Variants in KIF6 observed in about 807,000 individuals in gnomAD.
The protein encoded by KIF6 is kinesin family member 6.
A neutral mutation model predicts 112.7 loss-of-function variants in KIF6; 106 were observed. That is an observed-to-expected ratio of 0.94 (90% CI 0.80 to 1.11). KIF6 has a LOEUF of 1.11. KIF6 is among the 50% of genes least tolerant of loss of function. The pLI, the probability that KIF6 is intolerant of heterozygous loss-of-function variation, is 0.00. For synonymous variants in KIF6, 339 were observed against 339.9 expected (o/e 1.00, Z 0.03); for missense variants, 929 against 964.0 (o/e 0.96, Z 0.48).
At chr6:39,485,852 G>T (rs1047266741) in intron 13 of KIF6, among the ~76,000 whole-genome samples, 1 of 152,196 alleles carries the variant, frequency 6.6e-6, no homozygotes, top group Admixed American at 6.5e-5. Flanking sequence ...GTAAAGCTCC[G>T]AGTGCTTTAT....
chr6:39,373,965 C>T (rs541413578), intron 16 of KIF6, among the ~76,000 whole-genome samples: 2 of 152,194 alleles, frequency 1.3e-5, no homozygotes, highest in Non-Finnish European at 2.9e-5. Context: ...ATTACACTCT[C>T]TGTTTTTAAA....
Position 39,375,473 on chromosome 6 carries a change from CT to C in KIF6, c.1861+10148del, listed in dbSNP as rs1222453427. ...ACCCCCAAAATATATACAATTATGG[CT>C]TTTCAATTAGAAATAATATTAAGAG... On this transcript the variant is annotated intron_variant, in intron 16 of 22. Coordinates refer to ENST00000287152, the MANE Select transcript of KIF6 (RefSeq NM_145027.6). Among the ~76,000 whole-genome samples the C allele has an allele frequency of 4.6e-5, 7 of 152,284 alleles. No homozygotes were observed. The East Asian group carries it at 1.4e-3, about 29-fold the overall frequency.
chr6:39,435,042 G>T (rs189392401), intron 13 of KIF6, among the ~76,000 whole-genome samples: 2 of 152,200 alleles, frequency 1.3e-5, no homozygotes, highest in African/African-American at 4.8e-5. Context: ...AGGAAACTGA[G>T]GCTTACATAA....
intron 10 of KIF6, among the ~76,000 whole-genome samples, chr6:39,550,266 C>A (rs531978430): frequency 2.6e-5 from 4 of 152,246 alleles, no homozygotes; most frequent in African/African-American, 9.6e-5. Flanking sequence ...AACCATATCT[C>A]TATGGCACTG....
At chr6:39,476,841 C>T (rs1054796261) in intron 13 of KIF6, among the ~76,000 whole-genome samples, 4 of 152,136 alleles carry the variant, frequency 2.6e-5, no homozygotes, top group African/African-American at 9.7e-5. Flanking sequence ...CTGTATGTTG[C>T]TTTTATAACT....
At chr6:39,591,806 C>A (rs919656315) in intron 7 of KIF6, among the ~76,000 whole-genome samples, 1 of 152,104 alleles carries the variant, frequency 6.6e-6, no homozygotes, top group East Asian at 1.9e-4. Flanking sequence ...CAGGAAAATG[C>A]GGTGGTCATA....
intron 16 of KIF6, among the ~76,000 whole-genome samples, chr6:39,376,522 G>C (rs1766453215): frequency 6.6e-6 from 1 of 152,212 alleles, no homozygotes; most frequent in Non-Finnish European, 1.5e-5. Flanking sequence ...GAGCCCCTCA[G>C]CTGCTGGCAC....
chr6:39,494,577 C>T (rs192132103), intron 13 of KIF6, among the ~76,000 whole-genome samples: 1 of 152,114 alleles, frequency 6.6e-6, no homozygotes, highest in Non-Finnish European at 1.5e-5. Context: ...ATCAATGCCT[C>T]TAGAATTCTG....
At chr6:39,669,519 G>A (rs546786330) in intron 3 of KIF6, among the ~76,000 whole-genome samples, 134 of 152,220 alleles carry the variant, frequency 8.8e-4, no homozygotes, top group Middle Eastern at 6.8e-3. Context: ...TCTCACATAG[G>A]TCCATTCTCA....
At chr6:39,490,355 A>T (rs1775403539) in intron 13 of KIF6, among the ~76,000 whole-genome samples, 1 of 152,220 alleles carries the variant, frequency 6.6e-6, no homozygotes, top group Non-Finnish European at 1.5e-5. Flanking sequence ...CCAAGGTAAA[A>T]GTGTGAGTTA....
intron 7 of KIF6, among the ~76,000 whole-genome samples, chr6:39,590,279 T>C (rs1414365816): frequency 1.3e-5 from 2 of 152,104 alleles, no homozygotes; most frequent in Non-Finnish European, 2.9e-5. Flanking sequence ...GAAGTTCTTA[T>C]ATAAAACAAA....
intron 3 of KIF6, among the ~76,000 whole-genome samples, chr6:39,656,316 C>T (rs536534331): frequency 6.6e-6 from 1 of 152,158 alleles, no homozygotes; most frequent in Non-Finnish European, 1.5e-5. Context: ...CCTACCTATA[C>T]TCTAGACTGC....
chr6:39,476,438 T>C (rs1033912656), intron 13 of KIF6, among the ~76,000 whole-genome samples: 1 of 152,062 alleles, frequency 6.6e-6, no homozygotes, highest in Non-Finnish European at 1.5e-5. Context: ...GCTTATGGTA[T>C]TTTGATGTGA....
intron 16 of KIF6, among the ~76,000 whole-genome samples, chr6:39,383,207 G>T (rs571134463): frequency 6.6e-6 from 1 of 152,052 alleles, no homozygotes; most frequent in Non-Finnish European, 1.5e-5. Flanking sequence ...TGCTGCATTT[G>T]CTTTTGGGGT....
At chr6:39,588,149 T>C (rs954832642) in intron 7 of KIF6, among the ~76,000 whole-genome samples, 1 of 152,114 alleles carries the variant, frequency 6.6e-6, no homozygotes, top group Non-Finnish European at 1.5e-5. Flanking sequence ...TGATCCTGTT[T>C]TCTGTCTTAT....
At chr6:39,425,859 C>A (rs957345908) in intron 14 of KIF6, among the ~76,000 whole-genome samples, 1 of 151,806 alleles carries the variant, frequency 6.6e-6, no homozygotes, top group Admixed American at 6.6e-5. Flanking sequence ...CCAGGAAACT[C>A]CTCCTCACCA....
At chr6:39,633,008 A>T (rs1006091192) in intron 5 of KIF6, among the ~76,000 whole-genome samples, 1 of 151,998 alleles carries the variant, frequency 6.6e-6, no homozygotes, top group African/African-American at 2.4e-5. Flanking sequence ...TGATTGAGTG[A>T]TGATAATAAA....
intron 13 of KIF6, among the ~76,000 whole-genome samples, chr6:39,494,078 G>C (rs2150480450): frequency 6.6e-6 from 1 of 152,222 alleles, no homozygotes; most frequent in East Asian, 1.9e-4. Flanking sequence ...AATCCTTTAG[G>C]GAATGCAAGT....
At chr6:39,714,559 A>G in intron 3 of KIF6, 133 bp downstream of exon 3, 1 of 634,066 alleles carries the variant, frequency 1.6e-6, no homozygotes. Context: ...GAAGGTATTA[A>G]TGCCATCATC....
Sources: gnomAD v4.1 joint callset for allele counts (sites outside exome capture counted in the v4.1 genomes callset) on GRCh38, gnomAD v4.1.1 for gene constraint, MANE v1.5 for transcripts, NCBI Gene and HGNC (gene_info 2026-07-23, HGNC 2026-07-21) for gene names.